The following KHDRBS2 variants were observed in gnomAD, a reference collection of about 807,000 sequenced individuals.
The protein encoded by KHDRBS2 is KH domain-containing, RNA-binding, signal transduction-associated protein 2.
A neutral mutation model predicts 44.3 loss-of-function variants in KHDRBS2; 26 were observed. The observed-to-expected ratio is 0.59, with a 90% CI of 0.43 to 0.81. The LOEUF is 0.81. Among genes scored for constraint, KHDRBS2 ranks in the 40% least tolerant of loss-of-function variants. The pLI is 0.00. For missense variants in KHDRBS2, 476 were observed against 433.1 expected, an observed-to-expected ratio of 1.10 and a Z score of -0.88; for synonymous variants, 194 against 151.1, an observed-to-expected ratio of 1.28 and a Z score of -2.08.
the KHDRBS2 span, among the ~76,000 whole-genome samples, chr6:61,590,726 G>A: frequency 6.6e-6 from 1 of 152,088 alleles, no homozygotes; most frequent in African/African-American, 2.4e-5. Context: ...ACTTTTTTAT[G>A]ATGAGGGGAC....
intron 4 of KHDRBS2, among the ~76,000 whole-genome samples, chr6:61,945,775 A>G (rs1295077835): frequency 1.3e-5 from 2 of 152,150 alleles, no homozygotes; most frequent in Non-Finnish European, 2.9e-5. Flanking sequence ...CCATGAAAAA[A>G]AAATATGACA....
chr6:61,577,284 C>T, the KHDRBS2 span, among the ~76,000 whole-genome samples: 2 of 152,196 alleles, frequency 1.3e-5, no homozygotes, highest in South Asian at 4.1e-4. Flanking sequence ...TACCTAGCCC[C>T]AGCTACCCCA....
intron 4 of KHDRBS2, among the ~76,000 whole-genome samples, chr6:61,941,834 T>A (rs1355945645): frequency 6.6e-6 from 1 of 152,072 alleles, no homozygotes; most frequent in African/African-American, 2.4e-5. Context: ...GATGTCAACA[T>A]AAGCATAAAG....
At chr6:61,556,872 A>ATTTTTTT in the KHDRBS2 span, among the ~76,000 whole-genome samples, 11 of 87,500 alleles carry the variant, frequency 1.3e-4, no homozygotes, top group South Asian at 4.3e-4. Context: ...TGAAATTGAG[A>ATTTTTTT]TTTTTTTTTT....
intron 6 of KHDRBS2, among the ~76,000 whole-genome samples, chr6:61,773,615 T>A (rs1352729110): frequency 2.7e-5 from 4 of 148,780 alleles, no homozygotes; most frequent in African/African-American, 9.9e-5. Context: ...CTGATGGTAG[T>A]TTCTTTTGCT....
intron 2 of KHDRBS2, among the ~76,000 whole-genome samples, chr6:62,159,906 G>A (rs1817275222): frequency 6.6e-6 from 1 of 152,092 alleles, no homozygotes; most frequent in African/African-American, 2.4e-5. Flanking sequence ...GGTTGAAGAG[G>A]TGGAGTTGAT....
At chr6:61,574,082 A>C in the KHDRBS2 span, among the ~76,000 whole-genome samples, 1 of 152,206 alleles carries the variant, frequency 6.6e-6, no homozygotes. Flanking sequence ...TTAGCAAGCC[A>C]TATGTAAAAA....
At chr6:61,621,793 A>G in the KHDRBS2 span, among the ~76,000 whole-genome samples, 7 of 152,206 alleles carry the variant, frequency 4.6e-5, no homozygotes, top group Non-Finnish European at 7.3e-5. Context: ...TTTCATTTAT[A>G]TAAGACTCAC....
chr6:61,888,706 C>T (rs531079300), intron 6 of KHDRBS2, among the ~76,000 whole-genome samples: 5 of 151,938 alleles, frequency 3.3e-5, no homozygotes, highest in East Asian at 3.9e-4. Flanking sequence ...GAACTACAGG[C>T]GCCCGCCACC....
At position 61,933,437 on chromosome 6, in the gene KHDRBS2, T is replaced by A. The variant is rs77888385; in HGVS notation, c.484-32066A>T. On this transcript the variant is annotated intron_variant, in intron 4 of 8. Transcript: ENST00000281156. ...TGCAAAAAACATAGGAGTGCAGATA[T>A]CTCTTTGACATACTGATTTCAATTC... Among the ~76,000 whole-genome samples the A allele has an allele frequency of 8.7e-3, 1,321 of 152,284 alleles. 9 individuals carry two copies. The highest frequency in any genetic ancestry group is 0.017 in the Middle Eastern group (5 of 294).
At chr6:61,949,479 A>G (rs1764298832) in intron 4 of KHDRBS2, among the ~76,000 whole-genome samples, 1 of 152,100 alleles carries the variant, frequency 6.6e-6, no homozygotes, top group Admixed American at 6.6e-5. Flanking sequence ...TCACAATTAT[A>G]TGGTTTTACA....
chr6:61,894,485 A>T, intron 6 of KHDRBS2, 150 bp downstream of exon 6: 1 of 615,092 alleles, frequency 1.6e-6, no homozygotes, highest in Non-Finnish European at 2.7e-6. Flanking sequence ...GCTCTCATTT[A>T]AATGCACTGC....
At chr6:61,833,410 G>A (rs763037479) in intron 6 of KHDRBS2, among the ~76,000 whole-genome samples, 6 of 152,224 alleles carry the variant, frequency 3.9e-5, no homozygotes, top group Non-Finnish European at 7.4e-5. Flanking sequence ...AAATAGCTTT[G>A]AAACTGCTAT....
At chr6:61,921,090 T>C (rs940439253) in intron 4 of KHDRBS2, among the ~76,000 whole-genome samples, 3 of 151,970 alleles carry the variant, frequency 2.0e-5, no homozygotes, top group Admixed American at 2.0e-4. Context: ...TTCAATTCAC[T>C]TAGGAGAGAT....
chr6:61,938,414 T>C (rs1401639020), intron 4 of KHDRBS2, among the ~76,000 whole-genome samples: 2 of 152,150 alleles, frequency 1.3e-5, no homozygotes. Context: ...GCAAAGTATT[T>C]TGAGACAATC....
At chr6:62,210,184 T>C (rs926889383) in intron 1 of KHDRBS2, among the ~76,000 whole-genome samples, 5 of 152,040 alleles carry the variant, frequency 3.3e-5, no homozygotes, top group Non-Finnish European at 5.9e-5. Flanking sequence ...CGACCACCTA[T>C]TTTTTAGGTG....
intron 1 of KHDRBS2, among the ~76,000 whole-genome samples, chr6:62,267,403 T>A (rs1482871932): frequency 6.6e-6 from 1 of 151,974 alleles, no homozygotes; most frequent in African/African-American, 2.4e-5. Context: ...CAAGTTCCCA[T>A]CAGAAACAGT....
intron 8 of KHDRBS2, among the ~76,000 whole-genome samples, chr6:61,691,125 T>A (rs1227768718): frequency 6.6e-6 from 1 of 152,096 alleles, no homozygotes; most frequent in Non-Finnish European, 1.5e-5. Flanking sequence ...AAATGTGTAA[T>A]CACGGTTAAT....
At chr6:61,987,588 G>T (rs186461917) in intron 3 of KHDRBS2, among the ~76,000 whole-genome samples, 1 of 152,182 alleles carries the variant, frequency 6.6e-6, no homozygotes, top group East Asian at 1.9e-4. Flanking sequence ...TTACCATCAA[G>T]AAATTCAAAT....
Sources: allele counts gnomAD v4.1 joint callset (sites outside exome capture counted in the v4.1 genomes callset), GRCh38; gene constraint gnomAD v4.1.1; transcripts MANE v1.5; gene names NCBI Gene and HGNC (gene_info 2026-07-23, HGNC 2026-07-21).